The following MVP variants were observed in gnomAD, a reference collection of about 807,000 sequenced individuals.
MVP encodes the protein lung resistance-related protein.
MVP carries 62 observed loss-of-function variants against 83.5 expected under a neutral mutation model. The ratio of observed to expected loss-of-function variants is 0.74; its 90% CI spans 0.61 to 0.92. The LOEUF is 0.92. MVP is among the 40% of genes least tolerant of loss of function. The pLI is 0.00. For synonymous variants in MVP, 505 were observed against 504.1 expected (o/e 1.00, Z -0.02); for missense variants, 1,000 against 1,203.4 (o/e 0.83, Z 2.50).
chr16:29,833,656 C>A, intron 3 of MVP, 77 bp from the exon 4 acceptor site: 2 of 1,589,528 alleles, frequency 1.3e-6, no homozygotes, highest in South Asian at 1.1e-5. Context: ...ATGTTGTGGA[C>A]CCGCCTCCAG....
At chr16:29,822,059 CTGTT>C (rs774836639) in intron 1 of MVP, among the ~76,000 whole-genome samples, 28 of 150,354 alleles carry the variant, frequency 1.9e-4, no homozygotes, top group African/African-American at 3.4e-4. Context: ...GACCCTGTCT[CTGTT>C]TGTGTGTGTG....
chr16:29,823,583 G>T (rs2067381061), intron 1 of MVP, among the ~76,000 whole-genome samples: 1 of 152,062 alleles, frequency 6.6e-6, no homozygotes, highest in Non-Finnish European at 1.5e-5. Context: ...GCCAGGCGCG[G>T]TGGCTCACGC....
chr16:29,846,058 G>T, intron 12 of MVP, 79 bp downstream of exon 12: 3 of 1,609,898 alleles, frequency 1.9e-6, no homozygotes, highest in East Asian at 2.2e-5. Context: ...GCAGGCCTGG[G>T]TGGGGTGTCG....
At position 29,840,164 on chromosome 16, in the gene MVP, C is replaced by T. The variant is rs758960719; in HGVS notation, c.910-14C>T. 38 of 1,592,210 alleles carry T rather than the reference C, an allele frequency of 2.4e-5. No individual in the cohort carries two copies. The highest frequency in any genetic ancestry group is 2.9e-5 in the Non-Finnish European group (34 of 1,168,252). On this transcript the variant is annotated splice_polypyrimidine_tract_variant and intron_variant, in intron 7 of 14. Coordinates refer to ENST00000357402, the MANE Select transcript of MVP (RefSeq NM_005115.5). ...CCTAAAGGCACTGACCCTAACCTCA[C>T]GTCTCCCCACTAGGGAGAGAAGTCT...
upstream of MVP, chr16:29,820,411 C>A (rs1378560808): frequency 6.6e-6 from 1 of 152,234 alleles, no homozygotes; most frequent in South Asian, 2.1e-4. Flanking sequence ...AAGCCCCACC[C>A]CTGGGCTTGG....
In MVP at chr16:29,833,929, C is replaced by T. The variant is rs749329860; in HGVS notation, c.446-6C>T. 3.1e-6 allele frequency: 5 copies of T among 1,614,088 alleles called. No homozygotes were observed. In the Admixed American group the frequency reaches 6.7e-5, roughly 22 times the overall value. On this transcript the variant is annotated splice_polypyrimidine_tract_variant and splice_region_variant and intron_variant, in intron 4 of 14. Coordinates refer to ENST00000357402, the MANE Select transcript of MVP (RefSeq NM_005115.5). ...ATACCTTCTGACCATCACCTTCCCT[C>T]CCCAGGCACGTACATCCCCCGGAAG...
intron 3 of MVP, among the ~76,000 whole-genome samples, chr16:29,832,153 G>A (rs1199224461): frequency 6.6e-6 from 1 of 152,096 alleles, no homozygotes. Context: ...CAGAACATGG[G>A]GAACTTTTAG....
chr16:29,827,074 A>T (rs2067409757), intron 1 of MVP, among the ~76,000 whole-genome samples: 1 of 152,144 alleles, frequency 6.6e-6, no homozygotes, highest in Non-Finnish European at 1.5e-5. Context: ...AGAAAAGACA[A>T]GGTCCCCATA....
At chr16:29,830,848 GTCC>G in intron 2 of MVP, 27 bp from the exon 3 acceptor site, 1 of 1,599,512 alleles carries the variant, frequency 6.3e-7, no homozygotes, top group Non-Finnish European at 8.5e-7. Context: ...CTGGTCCCAG[GTCC>G]TCACACCTCT....
intron 10 of MVP, among the ~76,000 whole-genome samples, chr16:29,842,404 C>G (rs375583372): frequency 6.6e-6 from 1 of 152,098 alleles, no homozygotes; most frequent in African/African-American, 2.4e-5. Flanking sequence ...CTCCCGGATT[C>G]AAGCGAGTCT....
intron 1 of MVP, among the ~76,000 whole-genome samples, chr16:29,821,992 C>A (rs3178910): frequency 2.6e-5 from 4 of 151,836 alleles, no homozygotes; most frequent in African/African-American, 7.3e-5. Flanking sequence ...TTGGGAGGCC[C>A]GAATGGGAGG....
chr16:29,825,039 A>G (rs1426098100), intron 1 of MVP, among the ~76,000 whole-genome samples: 2 of 152,012 alleles, frequency 1.3e-5, no homozygotes, highest in Non-Finnish European at 2.9e-5. Flanking sequence ...CACCTCTCTC[A>G]GGCAAGAGCC....
chr16:29,826,670 C>A (rs555821750), intron 1 of MVP, among the ~76,000 whole-genome samples: 3 of 148,612 alleles, frequency 2.0e-5, no homozygotes, highest in Admixed American at 1.3e-4. Context: ...CGCCTGTAAT[C>A]CTAGCACTTT....
rs1452719379 is a variant in MVP, at chr16:29,841,583, T to C, written c.1192-13T>C. 2 of 1,571,352 alleles carry C rather than the reference T, an allele frequency of 1.3e-6. No individual in the cohort carries two copies. The highest frequency in any genetic ancestry group is 2.7e-5 in the African/African-American group (2 of 73,828). ...CCCTTACGGGCAGCTTCCCTCCCTG[T>C]CCTCGTCCCAAGGTGCGCGCTGTGA... On this transcript the variant is annotated splice_polypyrimidine_tract_variant and intron_variant, in intron 8 of 14. Transcript: ENST00000357402. The surrounding 1 kb of genome is among the most constrained non-coding windows in gnomAD (Gnocchi z 4.7).
chr16:29,827,246 T>A (rs1485096109), intron 1 of MVP, among the ~76,000 whole-genome samples: 1 of 152,102 alleles, frequency 6.6e-6, no homozygotes, highest in African/African-American at 2.4e-5. Context: ...CAAGGTCAGA[T>A]CTCATACAAA....
At chr16:29,822,131 A>T (rs1280764931) in intron 1 of MVP, among the ~76,000 whole-genome samples, 1 of 149,086 alleles carries the variant, frequency 6.7e-6, no homozygotes, top group African/African-American at 2.5e-5. Flanking sequence ...TCCTATGATT[A>T]GGCAAGTTGA....
At chr16:29,844,165 A>G (rs1168033491) in intron 10 of MVP, among the ~76,000 whole-genome samples, 2 of 152,146 alleles carry the variant, frequency 1.3e-5, no homozygotes, top group African/African-American at 4.8e-5. Flanking sequence ...GGGGGTGGTG[A>G]TCATTGCCAT....
chr16:29,821,606 G>T (rs2067362069), intron 1 of MVP, among the ~76,000 whole-genome samples: 1 of 152,170 alleles, frequency 6.6e-6, no homozygotes, highest in South Asian at 2.1e-4. Flanking sequence ...CTTGTTCTCG[G>T]CTTAGAATCT....
At chr16:29,834,163 G>A (rs911447694) in intron 5 of MVP, 97 bp downstream of exon 5, 191 of 1,498,276 alleles carry the variant, frequency 1.3e-4, no homozygotes, top group Non-Finnish European at 1.7e-4. Flanking sequence ...TGTAGCCCCA[G>A]AGAGGCGCTT....
Sources: gnomAD v4.1 joint callset for allele counts (sites outside exome capture counted in the v4.1 genomes callset) on GRCh38, gnomAD v4.1.1 for gene constraint, Gnocchi (gnomAD v3.1) non-coding constraint, MANE v1.5 for transcripts, NCBI Gene and HGNC (gene_info 2026-07-23, HGNC 2026-07-21) for gene names.